INSL6: variants seen among roughly 807,000 people sequenced by gnomAD.
INSL6 encodes insulin like 6, also known as insulin-like peptide INSL6.
In INSL6, 16 loss-of-function variants were observed where a neutral mutation model predicts 9.4. The observed-to-expected ratio is 1.70, with a 90% confidence interval of 1.15 to 2.59. The LOEUF (loss-of-function observed/expected upper bound fraction) is 2.59, where lower values mean the gene tolerates loss of function less well. Ranked by LOEUF, INSL6 falls within the 30% of genes most tolerant of loss-of-function variation. The pLI is 0.00. For synonymous variants in INSL6, 154 were observed against 96.9 expected (o/e 1.59, Z -3.46); for missense variants, 391 against 257.3 (o/e 1.52, Z -3.56).
chr9:5,011,418 G>A, the INSL6 span, among the ~76,000 whole-genome samples: 1 of 152,040 alleles, frequency 6.6e-6, no homozygotes, highest in Non-Finnish European at 1.5e-5. Flanking sequence ...TTGAACTCCT[G>A]GACTCAAGCA....
chr9:5,136,984 A>C lies in INSL6; in HGVS notation c.377-3392T>G, dbSNP rs199669099. Among the ~76,000 whole-genome samples the C allele has an allele frequency of 1.6e-4, 25 of 152,014 alleles. No individual in the cohort carries two copies. The East Asian group carries it at 4.6e-3, about 28-fold the overall frequency. The stretch of plus-strand genomic sequence containing the variant: ...CATTCTTATACACCAATAACAGACA[A>C]ACAGCCAAATCATGAGTGAACTCCC... On this transcript the variant is annotated intron_variant, in intron 2 of 3. Transcript: ENST00000649639.
the INSL6 span, chr9:5,109,186 T>G: frequency 3.3e-5 from 5 of 152,202 alleles, no homozygotes; most frequent in Admixed American, 3.3e-4. Flanking sequence ...ACATATTACA[T>G]TAACAGTTAA....
At chr9:5,114,023 C>G in the INSL6 span, 1 of 310,724 alleles carries the variant, frequency 3.2e-6, no homozygotes, top group Non-Finnish European at 6.4e-6. Flanking sequence ...ACTGGTCCAT[C>G]GCCTCTCCCA....
chr9:5,180,689 C>A (rs562091277), intron 1 of INSL6, among the ~76,000 whole-genome samples: 1 of 152,208 alleles, frequency 6.6e-6, no homozygotes, highest in African/African-American at 2.4e-5. Context: ...TGCTCTCAAA[C>A]CCTGTTTTCT....
intron 2 of INSL6, among the ~76,000 whole-genome samples, chr9:5,151,322 A>C (rs997818916): frequency 1.3e-5 from 2 of 152,232 alleles, no homozygotes; most frequent in African/African-American, 4.8e-5. Flanking sequence ...ATCTGATATT[A>C]GAATAAATAT....
At chr9:5,159,482 C>T (rs570848189), downstream of INSL6, among the ~76,000 whole-genome samples, 66 of 151,498 alleles carry the variant, frequency 4.4e-4, no homozygotes, top group African/African-American at 1.5e-3. Flanking sequence ...CAATGGAAAC[C>T]AAAAACAAGC....
chr9:5,059,494 G>A, the INSL6 span, among the ~76,000 whole-genome samples: 16 of 151,888 alleles, frequency 1.1e-4, no homozygotes, highest in Non-Finnish European at 1.9e-4. Flanking sequence ...TTCACTTTGG[G>A]GATTTTAGGG....
At chr9:5,022,091 T>G in the INSL6 span, 2 of 1,613,774 alleles carry the variant, frequency 1.2e-6, no homozygotes, top group South Asian at 2.2e-5. Context: ...ATGAAGCAAA[T>G]AGATCCAGTT....
chr9:5,078,627 A>G, the INSL6 span, among the ~76,000 whole-genome samples: 1 of 152,166 alleles, frequency 6.6e-6, no homozygotes, highest in Non-Finnish European at 1.5e-5. Context: ...CTTTCTTATA[A>G]GCATATAACC....
chr9:5,091,011 G>T, the INSL6 span: 3 of 900,186 alleles, frequency 3.3e-6, no homozygotes, highest in Middle Eastern at 7.1e-4. Flanking sequence ...TACAGTAACA[G>T]TGAACATTTA....
At chr9:5,061,325 C>T in the INSL6 span, among the ~76,000 whole-genome samples, 2 of 152,200 alleles carry the variant, frequency 1.3e-5, no homozygotes, top group Admixed American at 6.5e-5. Flanking sequence ...TCCTAGATGG[C>T]ATATTCTTCC....
Position 5,185,389 on chromosome 9 carries a change from C to T in INSL6, c.214G>A (p.Val72Ile), listed in dbSNP as rs373895718. Residue 72 changes from valine to isoleucine, a missense_variant, in exon 1 of 2, where the codon GTC (valine) becomes ATC (isoleucine). Physicochemically the swap from Val to Ile is conservative, Grantham distance 29. Coordinates refer to ENST00000381641, the MANE Select transcript of INSL6 (RefSeq NM_007179.3). ...SRLIAQASEK[V>I]EAYSPYQFES... ...AACTGGTATGGGCTGTAGGCTTCGA[C>T]CTTCTCCGAGGCCTGTGCAATCAAC... 2 of 1,614,052 alleles carry T rather than the reference C, an allele frequency of 1.2e-6. No individual in the cohort carries two copies. The highest frequency in any genetic ancestry group is 1.3e-5 in the African/African-American group (1 of 74,934).
At chr9:5,111,412 G>A in the INSL6 span, 1 of 401,644 alleles carries the variant, frequency 2.5e-6, no homozygotes, top group Non-Finnish European at 4.8e-6. Flanking sequence ...GCCTGGACAC[G>A]CAGCCCACGA....
chr9:5,076,179 G>C, the INSL6 span, among the ~76,000 whole-genome samples: 3 of 152,162 alleles, frequency 2.0e-5, no homozygotes, highest in South Asian at 4.1e-4. Context: ...ATGATGCTGT[G>C]AACATTGTGA....
the INSL6 span, among the ~76,000 whole-genome samples, chr9:5,027,046 G>A: frequency 3.3e-5 from 5 of 152,146 alleles, no homozygotes; most frequent in Admixed American, 1.3e-4. Context: ...CTCCTTCTGT[G>A]CAACCACATG....
downstream of INSL6, among the ~76,000 whole-genome samples, chr9:5,161,554 G>A (rs1824926582): frequency 1.3e-5 from 2 of 152,120 alleles, no homozygotes; most frequent in African/African-American, 4.8e-5. Flanking sequence ...TTTCACTACT[G>A]TTATTCAACA....
At chr9:4,994,344 C>T in the INSL6 span, among the ~76,000 whole-genome samples, 76 of 152,256 alleles carry the variant, frequency 5.0e-4, no homozygotes, top group Middle Eastern at 3.4e-3. Flanking sequence ...CCCACTGGTT[C>T]TTATCAGAAT....
the INSL6 span, among the ~76,000 whole-genome samples, chr9:5,061,132 C>T: frequency 7.2e-3 from 1,100 of 152,290 alleles, 10 homozygotes; most frequent in African/African-American, 0.025. Context: ...CCTTGTTGTT[C>T]CATTTATAGA....
chr9:5,168,612 C>T (rs577752162), intron 1 of INSL6, among the ~76,000 whole-genome samples: 2 of 151,842 alleles, frequency 1.3e-5, no homozygotes, highest in East Asian at 1.9e-4. Context: ...CTAATAGGGG[C>T]ACCTGAACAA....
Sources: allele counts gnomAD v4.1 joint callset (sites outside exome capture counted in the v4.1 genomes callset), GRCh38; gene constraint gnomAD v4.1.1; transcripts MANE v1.5; gene names NCBI Gene and HGNC (gene_info 2026-07-23, HGNC 2026-07-21).